Variants in EIPR1 observed in about 807,000 individuals in gnomAD.
EIPR1 encodes the protein EARP and GARP complex-interacting protein 1.
EIPR1 carries 25 observed loss-of-function variants against 48.1 expected under a neutral mutation model. The observed-to-expected ratio is 0.52, with a 90% CI of 0.38 to 0.73. The LOEUF (loss-of-function observed/expected upper bound fraction) is 0.73, where lower values mean the gene tolerates loss of function less well. Ranked by LOEUF, EIPR1 falls within the 30% of genes least tolerant of loss-of-function variation. The pLI is 0.00. For synonymous variants in EIPR1, 204 were observed against 201.9 expected, an observed-to-expected ratio of 1.01 and a Z score of -0.09; for missense variants, 415 against 506.2, an observed-to-expected ratio of 0.82 and a Z score of 1.73.
chr2:3,354,768 A>G, intron 1 of EIPR1, 135 bp from the exon 2 acceptor site: 2 of 896,946 alleles, frequency 2.2e-6, no homozygotes, highest in Non-Finnish European at 3.4e-6. Context: ...TCTGGAAAGC[A>G]ATTTAGAAAT....
chr2:3,273,258 A>C (rs1289392163), intron 3 of EIPR1, among the ~76,000 whole-genome samples: 1 of 152,222 alleles, frequency 6.6e-6, no homozygotes, highest in Non-Finnish European at 1.5e-5. Context: ...CTTTCAGGGA[A>C]GTGAAGAATA....
At position 3,238,623 on chromosome 2, in the gene EIPR1, G is replaced by C. The variant is rs143608934; in HGVS notation, c.416+18676C>G. ...ATTTAGAGACTTTTGTTTTCACAGA[G>C]GAAGCGTCCAATGTGGAAAATTAAC... is the stretch of plus-strand genomic sequence containing the variant. On this transcript the variant is annotated intron_variant, in intron 4 of 8. Coordinates refer to ENST00000382125, the MANE Select transcript of EIPR1 (RefSeq NM_003310.5). Among the ~76,000 whole-genome samples, 756 of 152,328 alleles carry C rather than the reference G, an allele frequency of 5.0e-3. 2 individuals are homozygous for C. The highest frequency in any genetic ancestry group is 8.6e-3 in the Non-Finnish European group (587 of 68,036).
chr2:3,331,220 T>C (rs116162171), intron 3 of EIPR1, among the ~76,000 whole-genome samples: 9,789 of 91,986 alleles, frequency 0.11, 2,014 homozygotes, highest in East Asian at 0.23. Context: ...GTGTATACAC[T>C]CATGAGATGT....
At chr2:3,372,441 G>C (rs1659697806) in intron 1 of EIPR1, among the ~76,000 whole-genome samples, 1 of 151,412 alleles carries the variant, frequency 6.6e-6, no homozygotes, top group African/African-American at 2.4e-5. Context: ...ATGAATCCAG[G>C]AGCTGGTTTT....
At position 3,192,464 on chromosome 2, in the gene EIPR1, C is replaced by T. The variant is rs201793427; in HGVS notation, c.939G>A (p.Leu313=). ...GGTCACTGATGTCATCGTCGTCTAC[C>T]AAGTGGCCGAAGGGCTCCGACGAGA... ...VSISSEPFGH[L]VDDDDISDQE... Residue 313 remains leucine (L), a synonymous_variant, in exon 8 of 9, where the codon TTG becomes TTA. Coordinates refer to ENST00000382125, the MANE Select transcript of EIPR1 (RefSeq NM_003310.5). 6.0e-5 allele frequency: 97 copies of T among 1,612,988 alleles called. No individual in the cohort carries two copies. Among genetic ancestry groups the T allele is most frequent in the South Asian group, 5.6e-4 (51 of 90,932 alleles).
chr2:3,334,870 G>A (rs1669998689), intron 3 of EIPR1, among the ~76,000 whole-genome samples: 1 of 152,254 alleles, frequency 6.6e-6, no homozygotes, highest in South Asian at 2.1e-4. Context: ...GGCAGAAAGA[G>A]TCAGTCTCTG....
At chr2:3,311,957 C>G (rs529117079) in intron 3 of EIPR1, among the ~76,000 whole-genome samples, 1 of 152,288 alleles carries the variant, frequency 6.6e-6, no homozygotes, top group Admixed American at 6.5e-5. Context: ...CTGGACCTGG[C>G]CTTCTTTGGA....
chr2:3,362,591 G>A (rs1483137527), intron 1 of EIPR1, among the ~76,000 whole-genome samples: 1 of 150,070 alleles, frequency 6.7e-6, no homozygotes, highest in African/African-American at 2.4e-5. Context: ...CACAAAAGCA[G>A]GAAGAAGGAG....
intron 3 of EIPR1, among the ~76,000 whole-genome samples, chr2:3,322,079 TC>T (rs1572441255): frequency 6.6e-6 from 1 of 152,278 alleles, no homozygotes; most frequent in East Asian, 1.9e-4. Flanking sequence ...CAGGGCATAT[TC>T]CACTGTCGGA....
chr2:3,288,718 C>T (rs897884095), intron 3 of EIPR1, among the ~76,000 whole-genome samples: 24 of 152,228 alleles, frequency 1.6e-4, no homozygotes, highest in African/African-American at 5.5e-4. Flanking sequence ...GACCAGGAAA[C>T]ACTGCTCAGC....
At chr2:3,267,296 C>CT (rs1333731118) in intron 3 of EIPR1, among the ~76,000 whole-genome samples, 1 of 152,238 alleles carries the variant, frequency 6.6e-6, no homozygotes, top group East Asian at 1.9e-4. Context: ...GGGACATTCC[C>CT]TCACCTGTGA....
At chr2:3,276,070 G>C (rs1056671751) in intron 3 of EIPR1, among the ~76,000 whole-genome samples, 3 of 152,206 alleles carry the variant, frequency 2.0e-5, no homozygotes, top group Non-Finnish European at 4.4e-5. Flanking sequence ...GGTAGGCAAT[G>C]AAAGGACACC....
chr2:3,299,860 C>T (rs949036869), intron 3 of EIPR1, among the ~76,000 whole-genome samples: 1 of 152,130 alleles, frequency 6.6e-6, no homozygotes, highest in African/African-American at 2.4e-5. Flanking sequence ...TTCCCAGTCT[C>T]GGCACCACCA....
intron 3 of EIPR1, among the ~76,000 whole-genome samples, chr2:3,323,024 C>T (rs1332662982): frequency 3.3e-5 from 5 of 152,122 alleles, no homozygotes; most frequent in African/African-American, 1.2e-4. Context: ...ACATTAAAGT[C>T]TTCATAACCT....
At chr2:3,356,408 T>C (rs1558318119) in intron 1 of EIPR1, among the ~76,000 whole-genome samples, 1 of 152,190 alleles carries the variant, frequency 6.6e-6, no homozygotes, top group Non-Finnish European at 1.5e-5. Flanking sequence ...AATTAGAAGA[T>C]AAAACTAAGA....
chr2:3,239,795 C>T lies in EIPR1; in HGVS notation c.416+17504G>A, dbSNP rs1033044884. ...GGCTGCTCATTAACCCCAACCTAGGCTTCTCCTAACTCTTATTTTCTTTCC... is the reference window on the plus strand; with the variant it reads ...GGCTGCTCATTAACCCCAACCTAGGTTTCTCCTAACTCTTATTTTCTTTCC... On this transcript the variant is annotated intron_variant, in intron 4 of 8. Transcript: ENST00000382125. Among the ~76,000 whole-genome samples, 9 of 152,262 alleles carry T rather than the reference C, an allele frequency of 5.9e-5. No homozygotes were observed. The East Asian group carries it at 1.5e-3, about 26-fold the overall frequency.
At chr2:3,274,317 A>C in intron 3 of EIPR1, 1 of 1,550,466 alleles carries the variant, frequency 6.4e-7, no homozygotes, top group Non-Finnish European at 8.7e-7. Flanking sequence ...GCAGAACACC[A>C]AAGACAAAGA....
chr2:3,211,240 G>A (rs1289908601), intron 5 of EIPR1, among the ~76,000 whole-genome samples: 1 of 152,080 alleles, frequency 6.6e-6, no homozygotes, highest in Non-Finnish European at 1.5e-5. Context: ...CCAGCAGTCA[G>A]GTTCCACGCA....
At chr2:3,223,048 C>G (rs931850737) in intron 4 of EIPR1, among the ~76,000 whole-genome samples, 4 of 152,222 alleles carry the variant, frequency 2.6e-5, no homozygotes, top group African/African-American at 9.6e-5. Context: ...GTCCTACAAA[C>G]TGCCCAAGCC....
Sources: gnomAD v4.1 joint callset for allele counts (sites outside exome capture counted in the v4.1 genomes callset) on GRCh38, gnomAD v4.1.1 for gene constraint, MANE v1.5 for transcripts, NCBI Gene and HGNC (gene_info 2026-07-23, HGNC 2026-07-21) for gene names.